Variants in WDFY2 observed in about 807,000 individuals in gnomAD.
The protein encoded by WDFY2 is WD repeat and FYVE domain containing 2.
WDFY2 carries 36 observed loss-of-function variants against 56.4 expected under a neutral mutation model. The observed-to-expected ratio is 0.64, with a 90% confidence interval of 0.49 to 0.84. The LOEUF is 0.84. Among genes scored for constraint, WDFY2 ranks in the 40% least tolerant of loss-of-function variants. The pLI is 0.00. For missense variants in WDFY2, 444 were observed against 512.2 expected, an observed-to-expected ratio of 0.87 and a Z score of 1.29; for synonymous variants, 176 against 183.7, an observed-to-expected ratio of 0.96 and a Z score of 0.34.
At chr13:51,751,275 C>A in intron 7 of WDFY2, 35 bp from the exon 8 acceptor site, 1 of 1,604,048 alleles carries the variant, frequency 6.2e-7, no homozygotes, top group South Asian at 1.1e-5. Flanking sequence ...CATTTGTTCT[C>A]CTAAACTGTC....
Position 51,745,979 on chromosome 13 carries a change from T to C in WDFY2, c.726-5331T>C, listed in dbSNP as rs56963023. ...TCTTTTTCTTTTTCTTTTTCTTTTT[T>C]TTTTTTTTTTTTTTTGAGACAGAGT... On this transcript the variant is annotated intron_variant, in intron 7 of 11. Transcript: ENST00000298125. Among the ~76,000 whole-genome samples the C allele has an allele frequency of 5.0e-3, 627 of 126,026 alleles. 3 individuals carry two copies. Among genetic ancestry groups the C allele is most frequent in the African/African-American group, 6.8e-3 (252 of 36,938 alleles). 82.7% of individuals were successfully genotyped at this position (126,026 alleles called of 152,430 possible). A position where few individuals can be genotyped will look rare whatever the true frequency, so the allele number is the denominator to read the frequency against.
intron 7 of WDFY2, among the ~76,000 whole-genome samples, chr13:51,744,036 A>C (rs1181978524): frequency 6.6e-6 from 1 of 152,230 alleles, no homozygotes; most frequent in Non-Finnish European, 1.5e-5. Flanking sequence ...TTAGCCTGGC[A>C]GTGGGCCAAG....
intron 2 of WDFY2, among the ~76,000 whole-genome samples, chr13:51,668,455 A>G (rs1303311898): frequency 6.6e-6 from 1 of 152,212 alleles, no homozygotes; most frequent in East Asian, 1.9e-4. Context: ...AAAATGTTGG[A>G]TTTAGATGTA....
At chr13:51,741,699 G>A (rs1047913475) in intron 7 of WDFY2, among the ~76,000 whole-genome samples, 4 of 152,116 alleles carry the variant, frequency 2.6e-5, no homozygotes, top group East Asian at 1.9e-4. Context: ...CACAGACTCC[G>A]TTCAATCTTG....
chr13:51,668,081 CG>C (rs1009107597), intron 2 of WDFY2, among the ~76,000 whole-genome samples: 1 of 151,456 alleles, frequency 6.6e-6, no homozygotes, highest in Non-Finnish European at 1.5e-5. Context: ...TTAGTAGAGA[CG>C]GGGTTTCACT....
chr13:51,586,807 A>T (rs1291395887), intron 1 of WDFY2: 1 of 152,196 alleles, frequency 6.6e-6, no homozygotes, highest in Non-Finnish European at 1.5e-5. Context: ...CTGTTAAATA[A>T]GGTTCACCCA....
intron 7 of WDFY2, among the ~76,000 whole-genome samples, chr13:51,749,503 G>GAT (rs1364307836): frequency 1.3e-5 from 2 of 152,056 alleles, no homozygotes; most frequent in Admixed American, 1.3e-4. Context: ...GAGGAGGGAG[G>GAT]ATATGGACAA....
chr13:51,658,703 C>T (rs1039660079), intron 1 of WDFY2, among the ~76,000 whole-genome samples: 2 of 152,028 alleles, frequency 1.3e-5, no homozygotes, highest in Non-Finnish European at 2.9e-5. Context: ...GAGTGAATGC[C>T]GATATGCGTA....
intron 1 of WDFY2, among the ~76,000 whole-genome samples, chr13:51,644,379 C>T (rs1173976253): frequency 6.6e-6 from 1 of 152,114 alleles, no homozygotes; most frequent in East Asian, 1.9e-4. Flanking sequence ...GTAATTCTCA[C>T]CTGGTATATG....
intron 11 of WDFY2, among the ~76,000 whole-genome samples, chr13:51,758,790 A>C (rs1306056520): frequency 6.6e-6 from 1 of 152,132 alleles, no homozygotes; most frequent in Admixed American, 6.5e-5. Flanking sequence ...ACTGAGCTCT[A>C]CCTCCCTGAC....
intron 3 of WDFY2, 87 bp downstream of exon 3, chr13:51,675,330 CAG>C: frequency 7.9e-7 from 1 of 1,266,494 alleles, no homozygotes. Context: ...TTCAAGTTAA[CAG>C]AAGAATTTTC....
At chr13:51,710,936 T>A (rs955072476) in intron 4 of WDFY2, among the ~76,000 whole-genome samples, 5 of 148,964 alleles carry the variant, frequency 3.4e-5, no homozygotes, top group African/African-American at 1.3e-4. Flanking sequence ...TGGAAAAAAC[T>A]ACTTTAAAGT....
rs1476523543 is a variant in WDFY2 at position 51,758,226 on chromosome 13, CAT to C, written c.1101_1102del (p.His367GlnfsTer20). The C allele has an allele frequency of 6.3e-7, 1 of 1,595,996 alleles. No homozygotes were observed. The highest frequency in any genetic ancestry group is 8.6e-7 in the Non-Finnish European group (1 of 1,166,448). On this transcript the variant is annotated frameshift_variant, in exon 11 of 12. Coordinates refer to ENST00000298125, the MANE Select transcript of WDFY2 (RefSeq NM_052950.4). LOFTEE classifies it high-confidence loss of function. ...APTATFHDSKHNIVHVHFDAT... is the reference protein window; with the variant it reads ...APTATFHDSKXNIVHVHFDAT... ...CACAGCCACCTTCCATGACAGTAAA[CAT>C]AACATTGTGCATGTGCATTTCGATG... is the stretch of plus-strand genomic sequence containing the variant.
chr13:51,692,641 T>C (rs1951767677), intron 3 of WDFY2, among the ~76,000 whole-genome samples: 1 of 152,216 alleles, frequency 6.6e-6, no homozygotes. Context: ...TCAAGGATAT[T>C]GGTCTAAAAT....
intron 8 of WDFY2, among the ~76,000 whole-genome samples, chr13:51,754,273 G>A (rs1046017496): frequency 6.6e-6 from 1 of 152,106 alleles, no homozygotes; most frequent in African/African-American, 2.4e-5. Context: ...CAAAGGGCGT[G>A]TAGACTGGCA....
In WDFY2 at chr13:51,660,689, A is replaced by G. The variant is rs777730848; in HGVS notation, c.205+26A>G. On this transcript the variant is annotated intron_variant, in intron 2 of 11. Coordinates refer to ENST00000298125, the MANE Select transcript of WDFY2 (RefSeq NM_052950.4). ...GTAAGTATCCAAATCGCTGTCTTGA[A>G]AAACCAGACATGTCCTTCCCAGATT... is the stretch of plus-strand genomic sequence containing the variant. 4 of 1,606,328 alleles carry G rather than the reference A, an allele frequency of 2.5e-6. No individual in the cohort carries two copies. The African/African-American group carries it at 5.4e-5, about 21-fold the overall frequency.
At chr13:51,678,966 A>G (rs933076439) in intron 3 of WDFY2, among the ~76,000 whole-genome samples, 2 of 152,186 alleles carry the variant, frequency 1.3e-5, no homozygotes, top group East Asian at 1.9e-4. Flanking sequence ...GGAAAGTAAC[A>G]TATTTCAGAC....
chr13:51,745,973 C>CTTTTTTTTT (rs59572351), intron 7 of WDFY2, among the ~76,000 whole-genome samples: 7 of 100,760 alleles, frequency 6.9e-5, no homozygotes, highest in South Asian at 3.5e-4. Flanking sequence ...TTTTCTTTTT[C>CTTTTTTTTT]TTTTTTTTTT....
intron 1 of WDFY2, among the ~76,000 whole-genome samples, chr13:51,631,391 T>TAAAA (rs374903152): frequency 8.1e-6 from 1 of 123,096 alleles, no homozygotes; most frequent in Non-Finnish European, 1.7e-5. Context: ...ATCCTGTCTC[T>TAAAA]AAAAAAAAAA....
Sources: allele counts gnomAD v4.1 joint callset (sites outside exome capture counted in the v4.1 genomes callset), GRCh38; gene constraint gnomAD v4.1.1; transcripts MANE v1.5; gene names NCBI Gene and HGNC (gene_info 2026-07-23, HGNC 2026-07-21).